RAB23: variants seen among roughly 807,000 people sequenced by gnomAD.
The protein encoded by RAB23 is ras-related protein Rab-23.
A neutral mutation model predicts 30.0 loss-of-function variants in RAB23; 15 were observed. That is an observed-to-expected ratio of 0.50 (90% CI 0.33 to 0.77). The LOEUF is 0.77. Among genes scored for constraint, RAB23 ranks in the 30% least tolerant of loss-of-function variants. The pLI is 0.02. For synonymous variants in RAB23, 93 were observed against 94.0 expected, an observed-to-expected ratio of 0.99 and a Z score of 0.06; for missense variants, 243 against 275.4, an observed-to-expected ratio of 0.88 and a Z score of 0.83.
chr6:57,194,723 A>T, intron 5 of RAB23, 47 bp downstream of exon 5: 1 of 1,359,962 alleles, frequency 7.4e-7, no homozygotes, highest in Non-Finnish European at 1.0e-6. Context: ...TAAAAGCGCA[A>T]GAATAAAATT....
Position 57,190,245 on chromosome 6 carries a change from T to TA in RAB23, c.*215dup, listed in dbSNP as rs992061905. Reference sequence around the variant, plus strand: ...CAAACAGGAGAAGCTTCGTCTAATGTAAAAAAAATTAAAGGAGTCCACAGG... The same window carrying TA: ...CAAACAGGAGAAGCTTCGTCTAATGTAAAAAAAAATTAAAGGAGTCCACAGG... On this transcript the variant is annotated 3_prime_UTR_variant, in exon 7 of 7. Coordinates refer to ENST00000468148, the MANE Select transcript of RAB23 (RefSeq NM_016277.5). 8.3e-5 allele frequency: 44 copies of TA among 533,164 alleles called. No individual in the cohort carries two copies. The highest frequency in any genetic ancestry group is 1.3e-4 in the Admixed American group (4 of 29,658). The allele number at this position is 533,164 out of a possible 1,614,324, so 33.0% of individuals were successfully genotyped here. A position where few individuals can be genotyped will look rare whatever the true frequency, so the allele number is the denominator to read the frequency against.
At chr6:57,211,782 G>A (rs894806492) in intron 1 of RAB23, among the ~76,000 whole-genome samples, 1 of 152,196 alleles carries the variant, frequency 6.6e-6, no homozygotes, top group Non-Finnish European at 1.5e-5. Flanking sequence ...TGCATTTTAA[G>A]AATGAAAAGA....
chr6:57,219,012 T>A (rs928207363), intron 1 of RAB23, among the ~76,000 whole-genome samples: 4 of 152,066 alleles, frequency 2.6e-5, no homozygotes, highest in Non-Finnish European at 4.4e-5. Flanking sequence ...GAAACAAAAA[T>A]AAAACACAGA....
intron 1 of RAB23, among the ~76,000 whole-genome samples, chr6:57,215,611 T>C (rs1765808258): frequency 1.3e-5 from 2 of 152,118 alleles, no homozygotes; most frequent in Non-Finnish European, 2.9e-5. Context: ...CTAAGAGCAT[T>C]TGTTGACAGC....
chr6:57,196,076 A>C (rs1437921968), intron 4 of RAB23, among the ~76,000 whole-genome samples: 1 of 152,178 alleles, frequency 6.6e-6, no homozygotes, highest in Non-Finnish European at 1.5e-5. Flanking sequence ...AAAATTCATC[A>C]ACATAGGATA....
chr6:57,216,661 T>C (rs1765848269), intron 1 of RAB23, among the ~76,000 whole-genome samples: 4 of 151,996 alleles, frequency 2.6e-5, no homozygotes, highest in Admixed American at 6.5e-5. Flanking sequence ...GGCTGCTCCA[T>C]AGACAGAGCG....
At position 57,187,772 on chromosome 6, in the gene RAB23, T is replaced by A. The variant is rs1385600735; in HGVS notation, c.*2689A>T. On this transcript the variant is annotated 3_prime_UTR_variant, in exon 7 of 7. Coordinates refer to ENST00000468148, the MANE Select transcript of RAB23 (RefSeq NM_016277.5). ...TTTATTGAGAGTTCCTTCTGAGCACTGCACTGCCAACTTCTAAAGCAACCA... is the reference window on the plus strand; with the variant it reads ...TTTATTGAGAGTTCCTTCTGAGCACAGCACTGCCAACTTCTAAAGCAACCA... 2.0e-5 allele frequency: 3 copies of A among 152,176 alleles called. No homozygotes were observed. The highest frequency in any genetic ancestry group is 4.4e-5 in the Non-Finnish European group (3 of 68,022). 9.4% of individuals were successfully genotyped at this position (152,176 alleles called of 1,614,324 possible).
At chr6:57,194,210 C>G (rs1250403478) in intron 5 of RAB23, among the ~76,000 whole-genome samples, 1 of 151,828 alleles carries the variant, frequency 6.6e-6, no homozygotes, top group Non-Finnish European at 1.5e-5. Context: ...GTGATTAATA[C>G]TAAGCAACAC....
chr6:57,215,120 G>A (rs1347531037), intron 1 of RAB23, among the ~76,000 whole-genome samples: 1 of 152,148 alleles, frequency 6.6e-6, no homozygotes, highest in Non-Finnish European at 1.5e-5. Context: ...TCTGAGCCAC[G>A]CAAACAGGCT....
intron 4 of RAB23, among the ~76,000 whole-genome samples, chr6:57,195,494 C>T (rs996292660): frequency 6.6e-6 from 1 of 152,074 alleles, no homozygotes; most frequent in African/African-American, 2.4e-5. Flanking sequence ...CTTGTGTAGT[C>T]TCCTCCCACA....
At chr6:57,212,758 G>A (rs1765701674) in intron 1 of RAB23, among the ~76,000 whole-genome samples, 1 of 151,660 alleles carries the variant, frequency 6.6e-6, no homozygotes, top group Admixed American at 6.6e-5. Context: ...ATGGTGGCGT[G>A]AGCCTGTAGT....
intron 2 of RAB23, 110 bp downstream of exon 2, chr6:57,210,116 A>G: frequency 2.6e-6 from 3 of 1,169,994 alleles, no homozygotes; most frequent in Non-Finnish European, 2.5e-6. Context: ...GAGCATTGCC[A>G]CTAGTTGCCA....
intron 3 of RAB23, among the ~76,000 whole-genome samples, chr6:57,198,039 G>C (rs1436372888): frequency 6.6e-6 from 1 of 152,050 alleles, no homozygotes; most frequent in African/African-American, 2.4e-5. Context: ...GCCTCCCAAA[G>C]TGCTGGGATT....
chr6:57,216,267 TG>T (rs1765832039), intron 1 of RAB23, among the ~76,000 whole-genome samples: 1 of 152,194 alleles, frequency 6.6e-6, no homozygotes, highest in South Asian at 2.1e-4. Flanking sequence ...AAAACCATAA[TG>T]TGCATCCCCA....
intron 3 of RAB23, among the ~76,000 whole-genome samples, chr6:57,196,820 CTTCTT>C (rs552421139): frequency 9.9e-5 from 15 of 152,194 alleles, no homozygotes; most frequent in Non-Finnish European, 1.6e-4. Context: ...TTGCACTACT[CTTCTT>C]TACTTTTCAA....
In RAB23 at chr6:57,194,766, T is replaced by G. The variant is rs747225405; in HGVS notation, c.481+4A>C. Reference sequence around the variant, plus strand: ...GCAATCTATATCCTTTAAAGGTAATTTACCTTCATTCACATTTAGATCTTC... The same window carrying G: ...GCAATCTATATCCTTTAAAGGTAATGTACCTTCATTCACATTTAGATCTTC... On this transcript the variant is annotated splice_donor_region_variant and intron_variant, in intron 5 of 6. Transcript: ENST00000468148. The G allele has an allele frequency of 5.0e-5, 80 of 1,601,444 alleles. No homozygotes were observed. Among genetic ancestry groups the G allele is most frequent in the Admixed American group, 1.7e-4 (10 of 59,848 alleles).
rs1764925368 is a variant in RAB23 at position 57,193,831 on chromosome 6, T to C, written c.574+11A>G. On this transcript the variant is annotated intron_variant, in intron 6 of 6. Coordinates refer to ENST00000468148, the MANE Select transcript of RAB23 (RefSeq NM_016277.5). ...CAAGTAAACATGGGCTAAAATTTCC[T>C]ATGTACTTACCAATCTTGTTACTAC... 1 of 1,611,992 alleles carries C rather than the reference T, an allele frequency of 6.2e-7. No homozygotes were observed. Among genetic ancestry groups the C allele is most frequent in the Non-Finnish European group, 8.5e-7 (1 of 1,178,952 alleles).
intron 3 of RAB23, among the ~76,000 whole-genome samples, chr6:57,205,207 A>T (rs1343195268): frequency 6.6e-6 from 1 of 151,490 alleles, no homozygotes; most frequent in Non-Finnish European, 1.5e-5. Flanking sequence ...ACATACACAT[A>T]TATTAAGTGT....
chr6:57,191,004 CATA>C (rs1340221022), intron 6 of RAB23, among the ~76,000 whole-genome samples: 1 of 152,148 alleles, frequency 6.6e-6, no homozygotes, highest in Non-Finnish European at 1.5e-5. Context: ...TTTCATTTAG[CATA>C]ATGTCTTCAA....
Sources: gnomAD v4.1 joint callset for allele counts (sites outside exome capture counted in the v4.1 genomes callset) on GRCh38, gnomAD v4.1.1 for gene constraint, MANE v1.5 for transcripts, NCBI Gene and HGNC (gene_info 2026-07-23, HGNC 2026-07-21) for gene names.